EIF4G3: variants seen among roughly 807,000 people sequenced by gnomAD.
EIF4G3 encodes the protein eukaryotic translation initiation factor 4 gamma 3, also known as eIF-4-gamma 3.
EIF4G3 carries 34 observed loss-of-function variants against 186.4 expected under a neutral mutation model. That is an observed-to-expected ratio of 0.18 (90% CI 0.14 to 0.24). EIF4G3 has a LOEUF of 0.24. Among genes scored for constraint, EIF4G3 ranks in the 10% least tolerant of loss-of-function variants. The pLI is 1.00. For missense variants in EIF4G3, 1,536 were observed against 1,948.5 expected (o/e 0.79, Z 3.99); for synonymous variants, 673 against 679.5 (o/e 0.99, Z 0.15).
intron 13 of EIF4G3, among the ~76,000 whole-genome samples, chr1:20,943,937 G>A (rs920344560): frequency 2.0e-5 from 3 of 147,334 alleles, no homozygotes. Context: ...CAGGGCAACA[G>A]ACAAAAATAT....
chr1:20,979,750 TTCTG>T (rs1181679515), intron 10 of EIF4G3, among the ~76,000 whole-genome samples: 6 of 143,656 alleles, frequency 4.2e-5, no homozygotes, highest in East Asian at 2.0e-4. Context: ...AAAGTAACTT[TTCTG>T]TCTTTTTTTT....
chr1:20,929,768 C>A (rs1373152092), intron 14 of EIF4G3, among the ~76,000 whole-genome samples: 1 of 151,962 alleles, frequency 6.6e-6, no homozygotes, highest in Non-Finnish European at 1.5e-5. Flanking sequence ...GGAAATTCAC[C>A]CATGGTCACA....
At chr1:20,845,603 A>C (rs1179367595) in intron 29 of EIF4G3, among the ~76,000 whole-genome samples, 2 of 152,106 alleles carry the variant, frequency 1.3e-5, no homozygotes, top group Non-Finnish European at 2.9e-5. Context: ...TGGAGCTTGC[A>C]GTGAGCCGAG....
At chr1:21,040,057 C>T (rs376924477) in intron 4 of EIF4G3, among the ~76,000 whole-genome samples, 1 of 152,208 alleles carries the variant, frequency 6.6e-6, no homozygotes, top group Admixed American at 6.5e-5. Context: ...CACACAACTT[C>T]TAAAAACCTT....
rs534358107 is a variant in EIF4G3, at chr1:20,896,909, T to G, written c.2000-1408A>C. On this transcript the variant is annotated intron_variant, in intron 16 of 36. Transcript: ENST00000602326. ...GTACAGGTTTGCAGCCTAAGAGCAG[T>G]AGGCTACACTATACAGCCTAGGTGT... Among the ~76,000 whole-genome samples, 4 of 152,362 alleles carry G rather than the reference T, an allele frequency of 2.6e-5. No individual in the cohort carries two copies. In the South Asian group the frequency reaches 8.3e-4, roughly 32 times the overall value.
chr1:21,138,713 A>T (rs2097290146), intron 2 of EIF4G3, among the ~76,000 whole-genome samples: 1 of 152,080 alleles, frequency 6.6e-6, no homozygotes, highest in African/African-American at 2.4e-5. Context: ...CAGGTGGCTG[A>T]GGCAGGAGAA....
intron 3 of EIF4G3, among the ~76,000 whole-genome samples, chr1:21,061,511 C>T (rs1272582809): frequency 2.6e-5 from 4 of 151,960 alleles, no homozygotes. Context: ...GCAGTCAGGG[C>T]CAAGCAAGTA....
At chr1:20,924,464 G>T (rs74061343) in intron 14 of EIF4G3, among the ~76,000 whole-genome samples, 15,473 of 152,198 alleles carry the variant, frequency 0.1, 1,048 homozygotes, top group East Asian at 0.28. Flanking sequence ...CAAATCTTGA[G>T]GAATATTAGA....
At chr1:20,894,622 C>T (rs533097276) in intron 17 of EIF4G3, among the ~76,000 whole-genome samples, 11 of 152,250 alleles carry the variant, frequency 7.2e-5, no homozygotes, top group Admixed American at 2.0e-4. Context: ...ACTTAGCATT[C>T]CAATAATGAA....
intron 2 of EIF4G3, among the ~76,000 whole-genome samples, chr1:21,147,217 G>A (rs2097458533): frequency 1.3e-5 from 2 of 151,398 alleles, no homozygotes; most frequent in Non-Finnish European, 2.9e-5. Flanking sequence ...AGCCAAGATC[G>A]TGCCACTGCA....
At chr1:21,167,920 A>C (rs954794688) in intron 2 of EIF4G3, 1 of 347,802 alleles carries the variant, frequency 2.9e-6, no homozygotes, top group African/African-American at 2.2e-5. Context: ...AAATAATGCA[A>C]AACATTACAG....
At chr1:21,162,494 C>A (rs2097783513) in intron 2 of EIF4G3, among the ~76,000 whole-genome samples, 1 of 149,480 alleles carries the variant, frequency 6.7e-6, no homozygotes, top group Admixed American at 6.7e-5. Context: ...CACCTGTAAT[C>A]CCAGCACTTT....
chr1:21,027,223 C>T (rs1386359924), intron 4 of EIF4G3, among the ~76,000 whole-genome samples: 8 of 140,446 alleles, frequency 5.7e-5, no homozygotes, highest in Admixed American at 1.5e-4. Flanking sequence ...GACAGAGTCT[C>T]GCTCTGTCGC....
intron 12 of EIF4G3, among the ~76,000 whole-genome samples, chr1:20,951,938 T>A (rs2096240830): frequency 6.6e-6 from 1 of 152,182 alleles, no homozygotes; most frequent in Non-Finnish European, 1.5e-5. Flanking sequence ...TAAAGAGTCG[T>A]AAGAAAGGAG....
intron 14 of EIF4G3, among the ~76,000 whole-genome samples, chr1:20,930,590 G>C (rs2095261394): frequency 1.3e-5 from 2 of 151,984 alleles, no homozygotes; most frequent in African/African-American, 4.8e-5. Flanking sequence ...CTTAGAGATG[G>C]GGTCTCACTA....
chr1:20,942,024 T>G lies in EIF4G3; in HGVS notation c.1130A>C (p.Glu377Ala), dbSNP rs769264079. The change falls in exon 14 of 37, where the codon GAA becomes GCA. Residue 377 changes from glutamate (E) to alanine (A), a missense_variant. Transcript: ENST00000602326. ...ATTTGTTGGTAAAGGGTCTGATGTT[T>G]CTGTGCAAGATGTGAGGCTGGGTAT... ...IPIPSLTSCTETSDPLPTNEN... is the reference protein window; with the variant it reads ...IPIPSLTSCTATSDPLPTNEN... The G allele has an allele frequency of 6.2e-6, 10 of 1,614,108 alleles. No homozygotes were observed. The East Asian group carries it at 2.0e-4, about 32-fold the overall frequency.
chr1:21,149,992 A>G (rs1431622008), intron 2 of EIF4G3, among the ~76,000 whole-genome samples: 3 of 152,242 alleles, frequency 2.0e-5, no homozygotes, highest in African/African-American at 4.8e-5. Context: ...CTAATGCTGT[A>G]AATTCCAATA....
chr1:20,876,466 T>C (rs529020006), intron 20 of EIF4G3, among the ~76,000 whole-genome samples: 31 of 141,228 alleles, frequency 2.2e-4, no homozygotes, highest in African/African-American at 6.7e-4. Context: ...AAAAACAAAC[T>C]GAAAATAATT....
At chr1:21,114,148 C>CTT (rs760394574) in intron 2 of EIF4G3, among the ~76,000 whole-genome samples, 1 of 144,424 alleles carries the variant, frequency 6.9e-6, no homozygotes, top group East Asian at 2.0e-4. Context: ...GAAAGCTGTA[C>CTT]TTTTTTTTTT....
Sources: gnomAD v4.1 joint callset for allele counts (sites outside exome capture counted in the v4.1 genomes callset) on GRCh38, gnomAD v4.1.1 for gene constraint, MANE v1.5 for transcripts, NCBI Gene and HGNC (gene_info 2026-07-23, HGNC 2026-07-21) for gene names.